Variants in NEK1 observed in about 807,000 individuals in gnomAD.
NEK1 encodes NIMA related kinase 1.
NEK1 carries 137 observed loss-of-function variants against 182.1 expected under a neutral mutation model. That is an observed-to-expected ratio of 0.75 (90% CI 0.65 to 0.87). NEK1 has a LOEUF of 0.87. NEK1 is among the 40% of genes least tolerant of loss of function. NEK1 has a pLI of 0.00. For synonymous variants in NEK1, 513 were observed against 492.2 expected (o/e 1.04, Z -0.56); for missense variants, 1,391 against 1,494.4 (o/e 0.93, Z 1.14).
chr4:169,482,263 A>C (rs750413818), intron 23 of NEK1, among the ~76,000 whole-genome samples: 43 of 152,126 alleles, frequency 2.8e-4, no homozygotes, highest in Non-Finnish European at 5.7e-4. Context: ...TCTCCATATC[A>C]GCAAGAAGGC....
intron 18 of NEK1, among the ~76,000 whole-genome samples, chr4:169,544,062 G>C (rs575645864): frequency 9.2e-5 from 14 of 152,210 alleles, no homozygotes; most frequent in African/African-American, 3.4e-4. Context: ...GTCTTGTGCT[G>C]GTTTTCAAAG....
At chr4:169,399,533 C>T (rs571792049) in intron 35 of NEK1, among the ~76,000 whole-genome samples, 19 of 151,528 alleles carry the variant, frequency 1.3e-4, no homozygotes, top group East Asian at 5.8e-4. Context: ...GCCGAGATCA[C>T]GACACTGCAC....
intron 27 of NEK1, among the ~76,000 whole-genome samples, chr4:169,446,768 T>C (rs1212371123): frequency 6.6e-6 from 1 of 152,168 alleles, no homozygotes; most frequent in Non-Finnish European, 1.5e-5. Context: ...ACTGGCATAC[T>C]GATGAATGCA....
intron 27 of NEK1, among the ~76,000 whole-genome samples, chr4:169,448,881 C>T (rs899412880): frequency 1.1e-4 from 16 of 152,330 alleles, no homozygotes; most frequent in Middle Eastern, 3.4e-3. Flanking sequence ...CGCAATGAGT[C>T]GGGGGATTTC....
intron 13 of NEK1, 80 bp downstream of exon 13, chr4:169,562,057 A>G: frequency 1.7e-6 from 2 of 1,182,612 alleles, no homozygotes; most frequent in Non-Finnish European, 2.4e-6. Flanking sequence ...AAAGGTTTGG[A>G]GGCTTTATAG....
At chr4:169,563,917 T>C (rs959720601) in intron 12 of NEK1, among the ~76,000 whole-genome samples, 1 of 152,234 alleles carries the variant, frequency 6.6e-6, no homozygotes, top group South Asian at 2.1e-4. Flanking sequence ...CGTCCCTGTA[T>C]TGCTGTAATA....
intron 23 of NEK1, among the ~76,000 whole-genome samples, chr4:169,500,165 G>A (rs1197939518): frequency 6.6e-6 from 1 of 152,190 alleles, no homozygotes; most frequent in Non-Finnish European, 1.5e-5. Flanking sequence ...TGCTAGCAAT[G>A]AGCGAGGCTC....
chr4:169,563,895 C>G (rs1763307045), intron 12 of NEK1, among the ~76,000 whole-genome samples: 1 of 152,158 alleles, frequency 6.6e-6, no homozygotes, highest in Non-Finnish European at 1.5e-5. Flanking sequence ...AACTGGTTTT[C>G]TACTGTTGAA....
chr4:169,574,935 G>A (rs1044266689), intron 12 of NEK1, among the ~76,000 whole-genome samples: 1 of 152,160 alleles, frequency 6.6e-6, no homozygotes, highest in Admixed American at 6.5e-5. Context: ...TGCCAAGAAT[G>A]TACTATAAGA....
rs1466548579 is a variant in NEK1, at chr4:169,612,562, C to T, written c.-513G>A. On this transcript the variant is annotated 5_prime_UTR_variant, in exon 1 of 36. Transcript: ENST00000507142. ...GGGTAAGGACTCCGCAACCTAGGGTCCCAAAACCCTGGAGCGAATGCGGAC... is the reference window on the plus strand; with the variant it reads ...GGGTAAGGACTCCGCAACCTAGGGTTCCAAAACCCTGGAGCGAATGCGGAC... The T allele has an allele frequency of 6.6e-6, 1 of 152,080 alleles. No homozygotes were observed. Among genetic ancestry groups the T allele is most frequent in the East Asian group, 1.9e-4 (1 of 5,174 alleles). 9.4% of individuals were successfully genotyped at this position (152,080 alleles called of 1,614,324 possible). A position where few individuals can be genotyped will look rare whatever the true frequency, so the allele number is the denominator to read the frequency against.
intron 31 of NEK1, among the ~76,000 whole-genome samples, chr4:169,421,372 C>T (rs751771388): frequency 3.4e-4 from 51 of 152,196 alleles, no homozygotes; most frequent in Middle Eastern, 3.4e-3. Flanking sequence ...AAAATAAAAA[C>T]TGACATAACT....
intron 27 of NEK1, among the ~76,000 whole-genome samples, chr4:169,446,918 A>G (rs1159020594): frequency 2.6e-5 from 4 of 152,196 alleles, no homozygotes; most frequent in Non-Finnish European, 5.9e-5. Flanking sequence ...AACAAAGGAA[A>G]AAGAATAAGG....
chr4:169,496,763 C>T lies in NEK1; in HGVS notation c.2007+10274G>A, dbSNP rs1751384166. ...ATCCCAGGGATGAAGCCCACTTGAT[C>T]ATGGTGGATAAGCTTTTTGATGTGC... On this transcript the variant is annotated intron_variant, in intron 23 of 35. Coordinates refer to ENST00000507142, the MANE Select transcript of NEK1 (RefSeq NM_001199397.3). 2.0e-5 allele frequency among the ~76,000 whole-genome samples: 3 copies of T among 152,112 alleles called. No individual in the cohort carries two copies. In the South Asian group the frequency reaches 6.2e-4, roughly 32 times the overall value.
intron 18 of NEK1, among the ~76,000 whole-genome samples, chr4:169,538,562 C>T (rs561556805): frequency 6.6e-6 from 1 of 152,248 alleles, no homozygotes; most frequent in South Asian, 2.1e-4. Context: ...CAATAACAAA[C>T]ACTGATTAAG....
At chr4:169,602,384 T>C (rs1770646652) in intron 3 of NEK1, 130 bp downstream of exon 3, 3 of 637,890 alleles carry the variant, frequency 4.7e-6, no homozygotes, top group Admixed American at 3.2e-5. Context: ...ATTCTGATAT[T>C]AGCGGGAATA....
intron 23 of NEK1, among the ~76,000 whole-genome samples, chr4:169,480,492 T>C (rs1489827225): frequency 7.2e-6 from 1 of 138,054 alleles, no homozygotes; most frequent in Non-Finnish European, 1.5e-5. Flanking sequence ...GTACACACCT[T>C]AATAAACACC....
At chr4:169,488,887 T>C (rs1380915368) in intron 23 of NEK1, among the ~76,000 whole-genome samples, 2 of 152,172 alleles carry the variant, frequency 1.3e-5, no homozygotes, top group Non-Finnish European at 2.9e-5. Flanking sequence ...TTAAGCTGGA[T>C]CTAAATACTT....
chr4:169,426,925 A>G (rs1013511822), intron 29 of NEK1, among the ~76,000 whole-genome samples: 2 of 151,448 alleles, frequency 1.3e-5, no homozygotes, highest in Admixed American at 1.3e-4. Flanking sequence ...AAGATTGAGG[A>G]AAAAAAAATA....
chr4:169,490,142 C>T (rs1417570397), intron 23 of NEK1, among the ~76,000 whole-genome samples: 1 of 152,144 alleles, frequency 6.6e-6, no homozygotes, highest in East Asian at 1.9e-4. Context: ...GTCACACACT[C>T]CTACAGTCAT....
Sources: gnomAD v4.1 joint callset for allele counts (sites outside exome capture counted in the v4.1 genomes callset) on GRCh38, gnomAD v4.1.1 for gene constraint, MANE v1.5 for transcripts, NCBI Gene and HGNC (gene_info 2026-07-23, HGNC 2026-07-21) for gene names.